The following GPR176 variants were observed in gnomAD, a reference collection of about 807,000 sequenced individuals.
GPR176 encodes G-protein coupled receptor 176.
GPR176 carries 26 observed loss-of-function variants against 35.4 expected under a neutral mutation model. The observed-to-expected ratio is 0.74, with a 90% confidence interval of 0.54 to 1.02. The LOEUF is 1.02. Ranked by LOEUF, GPR176 falls within the 50% of genes least tolerant of loss-of-function variation. The pLI, the probability that GPR176 is intolerant of heterozygous loss-of-function variation, is 0.00. For synonymous variants in GPR176, 278 were observed against 271.3 expected, an observed-to-expected ratio of 1.02 and a Z score of -0.24; for missense variants, 597 against 665.3, an observed-to-expected ratio of 0.90 and a Z score of 1.13.
chr15:39,888,988 C>A (rs1032612355), intron 1 of GPR176, among the ~76,000 whole-genome samples: 2 of 152,204 alleles, frequency 1.3e-5, no homozygotes, highest in African/African-American at 4.8e-5. Context: ...CCAGGAAGGA[C>A]AAAGGCTGAT....
intron 1 of GPR176, among the ~76,000 whole-genome samples, chr15:39,875,933 G>A (rs112409615): frequency 2.1e-5 from 3 of 140,220 alleles, no homozygotes; most frequent in Admixed American, 7.1e-5. Context: ...ATATATATAT[G>A]AGTTTAAATA....
In GPR176 at chr15:39,847,131, A is replaced by T. The variant is rs116438921; in HGVS notation, c.173-39873T>A. On this transcript the variant is annotated intron_variant, in intron 1 of 2. Transcript: ENST00000561100. ...TGCCTAGAGCAACCACTAAGAAAGCAATATAGGAGGTTCATTAAAAAACAA... is the reference window on the plus strand; with the variant it reads ...TGCCTAGAGCAACCACTAAGAAAGCTATATAGGAGGTTCATTAAAAAACAA... 6.8e-3 allele frequency among the ~76,000 whole-genome samples: 1,042 copies of T among 152,270 alleles called. 14 individuals are homozygous for T. The highest frequency in any genetic ancestry group is 0.024 in the African/African-American group (1,009 of 41,574).
intron 1 of GPR176, among the ~76,000 whole-genome samples, chr15:39,832,664 C>CACACACAT (rs1308521323): frequency 6.6e-6 from 1 of 151,488 alleles, no homozygotes; most frequent in Non-Finnish European, 1.5e-5. Flanking sequence ...AACACACACA[C>CACACACAT]ACACACACAC....
intron 1 of GPR176, among the ~76,000 whole-genome samples, chr15:39,809,791 C>T (rs1044850542): frequency 1.3e-5 from 2 of 152,128 alleles, no homozygotes; most frequent in African/African-American, 4.8e-5. Context: ...GTCTGCCCTC[C>T]CTGGGACTGC....
chr15:39,801,458 T>C lies in GPR176; in HGVS notation c.1222A>G (p.Thr408Ala). The C allele has an allele frequency of 1.2e-6, 2 of 1,614,040 alleles. No homozygotes were observed. The highest frequency in any genetic ancestry group is 1.7e-6 in the Non-Finnish European group (2 of 1,179,922). ...GGCCCCTGCTCTCCCTCCAGGCAGG[T>C]GCTAAATATCTCCTTGGCCTGGAAG... ...ADFQAKEIFS[T>A]CLEGEQGPQF... is the part of the protein sequence containing the mutation. The change falls in exon 3 of 3, where the codon ACC becomes GCC. Residue 408 changes from threonine (T) to alanine (A), a missense_variant. Physicochemically the swap from Thr to Ala is moderately conservative, Grantham distance 58. Coordinates refer to ENST00000561100, the MANE Select transcript of GPR176 (RefSeq NM_007223.3).
intron 1 of GPR176, among the ~76,000 whole-genome samples, chr15:39,903,197 C>T (rs984179283): frequency 3.9e-5 from 6 of 152,168 alleles, no homozygotes; most frequent in Non-Finnish European, 5.9e-5. Flanking sequence ...ATACTTTCAA[C>T]TTACAATGGA....
chr15:39,820,009 G>A (rs532367578), intron 1 of GPR176, among the ~76,000 whole-genome samples: 1 of 152,328 alleles, frequency 6.6e-6, no homozygotes, highest in Admixed American at 6.5e-5. Flanking sequence ...AGAAAAAGGA[G>A]AGGCCTGAGG....
At chr15:39,883,873 T>G (rs372754860) in intron 1 of GPR176, among the ~76,000 whole-genome samples, 1 of 82,866 alleles carries the variant, frequency 1.2e-5, no homozygotes, top group Non-Finnish European at 3.3e-5. Flanking sequence ...AAGGACACTG[T>G]GTGATTACAA....
At chr15:39,827,596 G>T (rs1900760255) in intron 1 of GPR176, among the ~76,000 whole-genome samples, 3 of 152,284 alleles carry the variant, frequency 2.0e-5, no homozygotes, top group African/African-American at 7.2e-5. Flanking sequence ...GCCAAAGAAG[G>T]TCCATTCAGT....
At chr15:39,825,556 C>A (rs566888403) in intron 1 of GPR176, among the ~76,000 whole-genome samples, 3 of 151,712 alleles carry the variant, frequency 2.0e-5, no homozygotes, top group Admixed American at 2.0e-4. Context: ...CTCCCTATTC[C>A]ACAGTGTGAA....
intron 1 of GPR176, among the ~76,000 whole-genome samples, chr15:39,831,004 C>T (rs971005552): frequency 1.3e-5 from 2 of 152,128 alleles, no homozygotes; most frequent in Non-Finnish European, 2.9e-5. Flanking sequence ...AGAGCATTAT[C>T]TTTGAACGTT....
At chr15:39,867,178 C>T (rs927042715) in intron 1 of GPR176, among the ~76,000 whole-genome samples, 3 of 152,120 alleles carry the variant, frequency 2.0e-5, no homozygotes, top group Non-Finnish European at 2.9e-5. Context: ...AAGTGCAAAA[C>T]GAATTTACAG....
At position 39,919,849 on chromosome 15, in the gene GPR176, G is replaced by A. The variant is rs80137374; in HGVS notation, c.172+6C>T. On this transcript the variant is annotated splice_donor_region_variant and intron_variant, in intron 1 of 2. Coordinates refer to ENST00000561100, the MANE Select transcript of GPR176 (RefSeq NM_007223.3). ...CCGGTCCGGAGGCGCCCCGCGGGAG[G>A]CTTACCGAGCAGCGAGCCTATGAAG... 92,197 of 1,400,632 alleles carry A rather than the reference G, an allele frequency of 0.066. 4,075 individuals carry two copies. The highest frequency in any genetic ancestry group is 0.26 in the East Asian group (8,962 of 34,346). 86.8% of individuals were successfully genotyped at this position (1,400,632 alleles called of 1,614,324 possible). A position where few individuals can be genotyped will look rare whatever the true frequency, so the allele number is the denominator to read the frequency against.
chr15:39,869,004 CAA>C (rs113653046), intron 1 of GPR176, among the ~76,000 whole-genome samples: 106 of 140,146 alleles, frequency 7.6e-4, no homozygotes, highest in African/African-American at 6.9e-4. Flanking sequence ...AATTCTGTCT[CAA>C]AAAAAAAAAA....
At position 39,885,347 on chromosome 15, in the gene GPR176, A is replaced by G. The variant is rs369808286; in HGVS notation, c.172+34508T>C. Among the ~76,000 whole-genome samples the G allele has an allele frequency of 9.2e-5, 14 of 152,252 alleles. No individual in the cohort carries two copies. The East Asian group carries it at 2.1e-3, about 23-fold the overall frequency. On this transcript the variant is annotated intron_variant, in intron 1 of 2. Transcript: ENST00000561100. ...ATTTGTGCCCTTTTTAAAAGCCAGGATGGCCTCCAAAGCAAATCAGGGAGT... is the reference window on the plus strand; with the variant it reads ...ATTTGTGCCCTTTTTAAAAGCCAGGGTGGCCTCCAAAGCAAATCAGGGAGT...
chr15:39,902,339 T>C (rs2033304066), intron 1 of GPR176, among the ~76,000 whole-genome samples: 2 of 152,178 alleles, frequency 1.3e-5, no homozygotes, highest in Admixed American at 6.5e-5. Flanking sequence ...CTAGAGCCCA[T>C]TGATTTGTTA....
chr15:39,852,448 C>G (rs1168048440), intron 1 of GPR176, among the ~76,000 whole-genome samples: 2 of 152,150 alleles, frequency 1.3e-5, no homozygotes, highest in Non-Finnish European at 1.5e-5. Flanking sequence ...AAAACTAATC[C>G]TTACACAAGA....
intron 1 of GPR176, among the ~76,000 whole-genome samples, chr15:39,838,861 G>A (rs1901570464): frequency 6.6e-6 from 1 of 152,010 alleles, no homozygotes; most frequent in African/African-American, 2.4e-5. Context: ...AGAAATAAAG[G>A]GTATTCTATC....
chr15:39,853,150 G>C (rs190700492), intron 1 of GPR176, among the ~76,000 whole-genome samples: 18 of 152,268 alleles, frequency 1.2e-4, no homozygotes, highest in Admixed American at 8.5e-4. Context: ...TAATAGCCAA[G>C]AGGTGGAAGC....
Sources: allele counts gnomAD v4.1 joint callset (sites outside exome capture counted in the v4.1 genomes callset), GRCh38; gene constraint gnomAD v4.1.1; transcripts MANE v1.5; gene names NCBI Gene and HGNC (gene_info 2026-07-23, HGNC 2026-07-21).